TRHDE: variants seen among roughly 807,000 people sequenced by gnomAD.
TRHDE encodes the protein thyrotropin-releasing hormone-degrading ectoenzyme.
TRHDE carries 72 observed loss-of-function variants against 125.7 expected under a neutral mutation model. The observed-to-expected ratio is 0.57, with a 90% CI of 0.47 to 0.70. TRHDE has a LOEUF of 0.70. TRHDE is among the 30% of genes least tolerant of loss of function. The pLI is 0.00. For missense variants in TRHDE, 1,110 were observed against 1,327.1 expected (o/e 0.84, Z 2.54); for synonymous variants, 509 against 509.1 (o/e 1.00, Z 0.00).
chr12:72,371,014 G>A (rs2135763880), intron 2 of TRHDE, among the ~76,000 whole-genome samples: 1 of 152,110 alleles, frequency 6.6e-6, no homozygotes, highest in Non-Finnish European at 1.5e-5. Flanking sequence ...CAAATTGCTG[G>A]GATTACAGGC....
At chr12:72,402,974 C>A (rs927190363) in intron 3 of TRHDE, among the ~76,000 whole-genome samples, 3 of 152,146 alleles carry the variant, frequency 2.0e-5, no homozygotes, top group African/African-American at 7.2e-5. Context: ...ATTATTTAGC[C>A]AGTTGGTACC....
rs58242817 is a variant in TRHDE, at chr12:72,356,676, G to A, written c.1189-21319G>A. 4.0e-3 allele frequency among the ~76,000 whole-genome samples: 608 copies of A among 151,468 alleles called. 7 individuals are homozygous for A. Among genetic ancestry groups the A allele is most frequent in the African/African-American group, 0.014 (581 of 41,456 alleles). On this transcript the variant is annotated intron_variant, in intron 2 of 18. Transcript: ENST00000261180. ...ATTTGACTAGGATTGTAGTGGATGC[G>A]GAGAAAAATGATAGATTAAAAATTT...
intron 2 of TRHDE, among the ~76,000 whole-genome samples, chr12:72,325,718 A>G (rs979300855): frequency 1.3e-5 from 2 of 152,048 alleles, no homozygotes; most frequent in African/African-American, 4.8e-5. Flanking sequence ...AAATCTTTCT[A>G]TTGTAAGGAT....
chr12:72,426,794 A>T (rs965148789), intron 3 of TRHDE, among the ~76,000 whole-genome samples: 1 of 151,928 alleles, frequency 6.6e-6, no homozygotes, highest in African/African-American at 2.4e-5. Context: ...CCAGTTATTA[A>T]GAGGTAAAAA....
intron 1 of TRHDE, among the ~76,000 whole-genome samples, chr12:72,277,375 A>C (rs1484218072): frequency 1.3e-5 from 2 of 152,196 alleles, no homozygotes; most frequent in Admixed American, 1.3e-4. Flanking sequence ...TAATACAAAC[A>C]AGAAATTCAC....
chr12:72,526,851 T>C lies in TRHDE; in HGVS notation c.1723-15440T>C, dbSNP rs987999303. ...ATTAAGTGGATGAGATTAAGAAAAA[T>C]GATGAAGATACATATATTAAGAGTA... On this transcript the variant is annotated intron_variant, in intron 6 of 18. Coordinates refer to ENST00000261180, the MANE Select transcript of TRHDE (RefSeq NM_013381.3). 9.9e-5 allele frequency among the ~76,000 whole-genome samples: 15 copies of C among 152,178 alleles called. No individual in the cohort carries two copies. In the South Asian group the frequency reaches 2.9e-3, roughly 29 times the overall value.
At chr12:72,472,675 A>T (rs1184915071) in intron 4 of TRHDE, among the ~76,000 whole-genome samples, 1 of 152,184 alleles carries the variant, frequency 6.6e-6, no homozygotes, top group African/African-American at 2.4e-5. Flanking sequence ...ACATTTACCC[A>T]TGCTAATTTC....
intron 15 of TRHDE, among the ~76,000 whole-genome samples, chr12:72,639,678 T>G (rs1462567800): frequency 1.3e-5 from 2 of 151,784 alleles, no homozygotes; most frequent in Admixed American, 6.6e-5. Flanking sequence ...AGATGGGTTT[T>G]TGGTGTGGAT....
At chr12:72,383,867 T>C (rs551120626) in intron 3 of TRHDE, among the ~76,000 whole-genome samples, 1 of 152,242 alleles carries the variant, frequency 6.6e-6, no homozygotes, top group East Asian at 1.9e-4. Flanking sequence ...TGAAATGGAT[T>C]CCAGAAATTT....
Position 72,272,900 on chromosome 12 carries a change from T to C in TRHDE, c.257T>C (p.Val86Ala). The change falls in exon 1 of 19, where the codon GTG becomes GCG. Residue 86 changes from valine to alanine, a missense_variant. Val to Ala is a moderately conservative substitution (Grantham distance 64). Coordinates refer to ENST00000261180, the MANE Select transcript of TRHDE (RefSeq NM_013381.3). The surrounding 1 kb of genome is among the most constrained non-coding windows in gnomAD (Gnocchi z 6.7). ...CACATCGCCGTACACAAGCGGCTTG[T>C]GCTGGCCTTCGCTGTGTCCCTCGTG... Reference protein sequence around the residue: ...ERHIAVHKRLVLAFAVSLVAL... With the variant: ...ERHIAVHKRLALAFAVSLVAL... The C allele has an allele frequency of 6.3e-7, 1 of 1,579,414 alleles. No homozygotes were observed. Among genetic ancestry groups the C allele is most frequent in the Non-Finnish European group, 8.5e-7 (1 of 1,170,778 alleles).
intron 3 of TRHDE, among the ~76,000 whole-genome samples, chr12:72,399,116 G>A (rs1872927231): frequency 1.3e-5 from 2 of 152,160 alleles, no homozygotes; most frequent in South Asian, 4.1e-4. Context: ...CTCCTTATGA[G>A]AATCTAATTC....
At chr12:72,321,592 G>C (rs1014046700) in intron 2 of TRHDE, among the ~76,000 whole-genome samples, 3 of 152,034 alleles carry the variant, frequency 2.0e-5, no homozygotes, top group Non-Finnish European at 4.4e-5. Flanking sequence ...AAGTAAAGGT[G>C]CGTTTATTTT....
intron 3 of TRHDE, among the ~76,000 whole-genome samples, chr12:72,403,584 T>G (rs779102870): frequency 6.6e-6 from 1 of 152,168 alleles, no homozygotes; most frequent in Non-Finnish European, 1.5e-5. Flanking sequence ...TTAGACTTAC[T>G]CTAAATATTT....
intron 2 of TRHDE, among the ~76,000 whole-genome samples, chr12:72,224,341 A>G (rs1055844284): frequency 6.6e-6 from 1 of 152,064 alleles, no homozygotes; most frequent in African/African-American, 2.4e-5. Flanking sequence ...TGCAGGTGAT[A>G]TCTACCCAAG....
At chr12:72,206,860 T>A (rs1051709146) in intron 2 of TRHDE, among the ~76,000 whole-genome samples, 14 of 151,780 alleles carry the variant, frequency 9.2e-5, no homozygotes, top group African/African-American at 3.4e-4. Context: ...CTACATATAA[T>A]AATATATATA....
At chr12:72,324,510 A>T (rs79285956) in intron 2 of TRHDE, among the ~76,000 whole-genome samples, 2,335 of 152,266 alleles carry the variant, frequency 0.015, 59 homozygotes, top group African/African-American at 0.053. Context: ...GTGATAAGTC[A>T]GACATGAGCT....
At chr12:72,289,590 A>G (rs989945232) in intron 2 of TRHDE, among the ~76,000 whole-genome samples, 2 of 152,172 alleles carry the variant, frequency 1.3e-5, no homozygotes, top group African/African-American at 4.8e-5. Flanking sequence ...TTCTAACACT[A>G]AGGTTACACT....
intron 17 of TRHDE, among the ~76,000 whole-genome samples, chr12:72,655,595 A>G (rs1874678274): frequency 6.6e-6 from 1 of 152,158 alleles, no homozygotes; most frequent in Non-Finnish European, 1.5e-5. Context: ...TAATTTTATC[A>G]CCACATTTAG....
chr12:72,539,421 C>A (rs990111772), intron 6 of TRHDE, among the ~76,000 whole-genome samples: 5 of 151,858 alleles, frequency 3.3e-5, no homozygotes, highest in African/African-American at 1.2e-4. Context: ...TATATCCTGG[C>A]TGAATAGCTC....
Sources: allele counts gnomAD v4.1 joint callset (sites outside exome capture counted in the v4.1 genomes callset), GRCh38; gene constraint gnomAD v4.1.1; non-coding constraint Gnocchi (gnomAD v3.1); transcripts MANE v1.5; gene names NCBI Gene and HGNC (gene_info 2026-07-23, HGNC 2026-07-21).